The following LATS2 variants were observed in gnomAD, a reference collection of about 807,000 sequenced individuals.
LATS2 encodes large tumor suppressor kinase 2.
LATS2 carries 24 observed loss-of-function variants against 76.0 expected under a neutral mutation model. That is an observed-to-expected ratio of 0.32 (90% CI 0.23 to 0.44). LATS2 has a LOEUF of 0.44. LATS2 is among the 20% of genes least tolerant of loss of function. The pLI, the probability that LATS2 is intolerant of heterozygous loss-of-function variation, is 1.00. For missense variants in LATS2, 1,286 were observed against 1,481.2 expected (o/e 0.87, Z 2.16); for synonymous variants, 692 against 635.4 (o/e 1.09, Z -1.34).
intron 2 of LATS2, among the ~76,000 whole-genome samples, chr13:21,015,088 G>A (rs1414068260): frequency 6.6e-6 from 1 of 152,236 alleles, no homozygotes; most frequent in African/African-American, 2.4e-5. Context: ...CACTGATACA[G>A]AATTCTTCTT....
In LATS2 at chr13:20,975,184, G is replaced by A; in HGVS notation, c.2953C>T (p.Gln985Ter). The A allele has an allele frequency of 6.2e-7, 1 of 1,614,218 alleles. No individual in the cohort carries two copies. Among genetic ancestry groups the A allele is most frequent in the Non-Finnish European group, 8.5e-7 (1 of 1,180,034 alleles). Residue 985 changes from glutamine (Q) to a stop codon, truncating the protein, a stop_gained, in exon 8 of 8, where the codon CAG becomes TAG. Coordinates refer to ENST00000382592, the MANE Select transcript of LATS2 (RefSeq NM_014572.3). LOFTEE classifies it low-confidence loss of function (END_TRUNC). ...AIDFSSDIRK[Q>*]PAPYVPTISH... is the part of the protein sequence containing the mutation. Reference sequence around the variant, plus strand: ...ATGGTGGGAACGTAGGGGGCTGGCTGCTTCCGGATGTCACTGGAGAAGTCA... The same window carrying A: ...ATGGTGGGAACGTAGGGGGCTGGCTACTTCCGGATGTCACTGGAGAAGTCA...
Position 20,988,448 on chromosome 13 carries a change from C to A in LATS2, c.1332G>T (p.Val444=). The part of the protein sequence containing the change: ...AVTAAHILHP[V]KSVRVLRPEP... Reference sequence around the variant, plus strand: ...CCGGCCTCAGCACACGCACGCTCTTCACCGGGTGCAAGATGTGCGCGGCCG... The same window carrying A: ...CCGGCCTCAGCACACGCACGCTCTTAACCGGGTGCAAGATGTGCGCGGCCG... The change falls in exon 4 of 8, where the codon GTG becomes GTT. Residue 444 remains valine, a synonymous_variant. Transcript: ENST00000382592. 2 of 1,521,814 alleles carry A rather than the reference C, an allele frequency of 1.3e-6. No homozygotes were observed. The highest frequency in any genetic ancestry group is 1.2e-5 in the South Asian group (1 of 82,708). The allele number at this position is 1,521,814 out of a possible 1,614,324, so 94.3% of individuals were successfully genotyped here.
chr13:20,992,864 G>A (rs1418358590), intron 2 of LATS2, among the ~76,000 whole-genome samples: 6 of 151,948 alleles, frequency 3.9e-5, no homozygotes, highest in African/African-American at 1.2e-4. Flanking sequence ...GTGAAATCCC[G>A]TCTCTGCTAA....
chr13:21,050,125 C>CAGACAGACAGATAGATAGATAGATAGAT lies in LATS2; in HGVS notation c.-204-3896_-204-3895insATCTATCTATCTATCTATCTGTCTGTCT, dbSNP rs71306170. ...ACAGAGGGAGACTCTGTCTCATAGA[C>CAGACAGACAGATAGATAGATAGATAGAT]AGATAGATAGATAGATAGATAGATA... On this transcript the variant is annotated intron_variant, in intron 1 of 7. Coordinates refer to ENST00000382592, the MANE Select transcript of LATS2 (RefSeq NM_014572.3). Among the ~76,000 whole-genome samples the CAGACAGACAGATAGATAGATAGATAGAT allele has an allele frequency of 1.5e-3, 107 of 69,836 alleles. 1 individual carries two copies. Among genetic ancestry groups the CAGACAGACAGATAGATAGATAGATAGAT allele is most frequent in the South Asian group, 4.7e-3 (5 of 1,068 alleles). 45.8% of individuals were successfully genotyped at this position (69,836 alleles called of 152,430 possible).
At chr13:20,996,469 CCAGATT>C (rs1159647791) in intron 2 of LATS2, among the ~76,000 whole-genome samples, 3 of 151,562 alleles carry the variant, frequency 2.0e-5, no homozygotes, top group Non-Finnish European at 4.4e-5. Flanking sequence ...ATTTCATCTC[CCAGATT>C]CAAACAATTC....
intron 1 of LATS2, among the ~76,000 whole-genome samples, chr13:21,050,546 T>C (rs1873239691): frequency 6.6e-6 from 1 of 152,240 alleles, no homozygotes; most frequent in South Asian, 2.1e-4. Context: ...AGCAGAAGCC[T>C]GTCAGTTGTC....
At chr13:20,989,583 C>T (rs1162867848) in intron 3 of LATS2, among the ~76,000 whole-genome samples, 4 of 152,188 alleles carry the variant, frequency 2.6e-5, no homozygotes, top group Non-Finnish European at 5.9e-5. Flanking sequence ...TCCCGAGGTG[C>T]GTCCCTGCCC....
intron 2 of LATS2, among the ~76,000 whole-genome samples, chr13:21,028,816 C>T (rs1872412550): frequency 6.6e-6 from 1 of 152,158 alleles, no homozygotes; most frequent in Non-Finnish European, 1.5e-5. Flanking sequence ...GATCCACCCG[C>T]CTTGGCCTCC....
intron 1 of LATS2, among the ~76,000 whole-genome samples, chr13:21,048,706 G>A (rs9509504): frequency 0.56 from 84,556 of 151,708 alleles, 27,268 homozygotes; most frequent in Non-Finnish European, 0.73. Flanking sequence ...GCATGGTGGC[G>A]GGTGCCTATA....
chr13:20,985,328 C>T (rs919767222), intron 4 of LATS2, among the ~76,000 whole-genome samples: 1 of 152,144 alleles, frequency 6.6e-6, no homozygotes, highest in Non-Finnish European at 1.5e-5. Flanking sequence ...AAAGAGGATA[C>T]CTGTGTTGAA....
In LATS2 at chr13:21,046,141, C is replaced by T; in HGVS notation, c.-115G>A. The T allele has an allele frequency of 3.8e-6, 3 of 794,422 alleles. No individual in the cohort carries two copies. The highest frequency in any genetic ancestry group is 5.8e-6 in the Non-Finnish European group (3 of 517,458). The allele number at this position is 794,422 out of a possible 1,614,324, so 49.2% of individuals were successfully genotyped here. A position where few individuals can be genotyped will look rare whatever the true frequency, so the allele number is the denominator to read the frequency against. ...TGTAAACATACTTTCAAAATAATTT[C>T]CTTTTGAAAATGTTCTTTCCTTCCA... On this transcript the variant is annotated 5_prime_UTR_variant, in exon 2 of 8. Transcript: ENST00000382592.
intron 2 of LATS2, chr13:21,023,039 G>C (rs1046276823): frequency 6.6e-5 from 10 of 152,218 alleles, no homozygotes; most frequent in African/African-American, 2.2e-4. Context: ...CTCTAGTCCA[G>C]CCCAGCAATC....
chr13:21,031,071 C>T (rs1472666967), intron 2 of LATS2, among the ~76,000 whole-genome samples: 2 of 152,132 alleles, frequency 1.3e-5, no homozygotes, highest in African/African-American at 4.8e-5. Context: ...GAGAAGTCAG[C>T]TTTTAATCTT....
intron 1 of LATS2, among the ~76,000 whole-genome samples, chr13:21,060,378 A>C (rs1276106614): frequency 2.0e-5 from 3 of 152,212 alleles, no homozygotes; most frequent in Non-Finnish European, 4.4e-5. Context: ...CAAACCCCCC[A>C]CACGTCGCTA....
At chr13:20,987,342 G>C (rs1468380110) in intron 4 of LATS2, among the ~76,000 whole-genome samples, 1 of 152,058 alleles carries the variant, frequency 6.6e-6, no homozygotes. Context: ...ATTTAAATCT[G>C]TTACATTTTA....
At position 20,973,969 on chromosome 13, in the gene LATS2, G is replaced by GT. The variant is rs1555348745; in HGVS notation, c.*900dup. On this transcript the variant is annotated 3_prime_UTR_variant, in exon 8 of 8. Transcript: ENST00000382592. ...AGTTCAGTATATGACAAATGTTTCA[G>GT]TTCCCCCCCCCCAAAGAATCCAATC... 8 of 162,954 alleles carry GT rather than the reference G, an allele frequency of 4.9e-5. No individual in the cohort carries two copies. The highest frequency in any genetic ancestry group is 8.8e-5 in the Non-Finnish European group (8 of 90,598). The allele number at this position is 162,954 out of a possible 1,614,324, so 10.1% of individuals were successfully genotyped here. A position where few individuals can be genotyped will look rare whatever the true frequency, so the allele number is the denominator to read the frequency against.
chr13:21,032,428 G>A (rs1266789853), intron 2 of LATS2, among the ~76,000 whole-genome samples: 1 of 152,030 alleles, frequency 6.6e-6, no homozygotes, highest in Non-Finnish European at 1.5e-5. Flanking sequence ...CACCACGTCT[G>A]GCTAATTTTT....
In LATS2 at chr13:20,973,971, T is replaced by TCCC. The variant is rs10659630; in HGVS notation, c.*896_*898dup. ...TTCAGTATATGACAAATGTTTCAGTTCCCCCCCCCCAAAGAATCCAATCAC... is the reference window on the plus strand; with the variant it reads ...TTCAGTATATGACAAATGTTTCAGTTCCCCCCCCCCCCCAAAGAATCCAATCAC... On this transcript the variant is annotated 3_prime_UTR_variant, in exon 8 of 8. Coordinates refer to ENST00000382592, the MANE Select transcript of LATS2 (RefSeq NM_014572.3). 1.2e-3 allele frequency: 224 copies of TCCC among 188,044 alleles called. No homozygotes were observed. Among genetic ancestry groups the TCCC allele is most frequent in the African/African-American group, 5.7e-3 (214 of 37,586 alleles). 11.6% of individuals were successfully genotyped at this position (188,044 alleles called of 1,614,324 possible). A position where few individuals can be genotyped will look rare whatever the true frequency, so the allele number is the denominator to read the frequency against.
chr13:21,058,996 C>T (rs1191593450), intron 1 of LATS2, among the ~76,000 whole-genome samples: 1 of 151,010 alleles, frequency 6.6e-6, no homozygotes, highest in African/African-American at 2.4e-5. Flanking sequence ...AGATTTAGCA[C>T]AAATTTCCTA....
Sources: allele counts gnomAD v4.1 joint callset (sites outside exome capture counted in the v4.1 genomes callset), GRCh38; gene constraint gnomAD v4.1.1; transcripts MANE v1.5; gene names NCBI Gene and HGNC (gene_info 2026-07-23, HGNC 2026-07-21).